ITGBL1: variants seen among roughly 807,000 people sequenced by gnomAD.
ITGBL1 encodes the protein integrin subunit beta like 1.
ITGBL1 carries 51 observed loss-of-function variants against 68.5 expected under a neutral mutation model. The observed-to-expected ratio is 0.74, with a 90% CI of 0.59 to 0.94. The LOEUF (loss-of-function observed/expected upper bound fraction) is 0.94, where lower values mean the gene tolerates loss of function less well. Ranked by LOEUF, ITGBL1 falls within the 40% of genes least tolerant of loss-of-function variation. The pLI, the probability that ITGBL1 is intolerant of heterozygous loss-of-function variation, is 0.00. For synonymous variants in ITGBL1, 209 were observed against 227.3 expected (o/e 0.92, Z 0.72); for missense variants, 649 against 647.4 (o/e 1.00, Z -0.03).
At chr13:101,588,297 T>TTGTGTGTGTGTGTG (rs10661136) in intron 6 of ITGBL1, among the ~76,000 whole-genome samples, 2,360 of 149,768 alleles carry the variant, frequency 0.016, 32 homozygotes, top group Middle Eastern at 0.024. Context: ...TATTCTTCCA[T>TTGTGTGTGTGTGTG]TGTGTGTGTG....
intron 2 of ITGBL1, among the ~76,000 whole-genome samples, chr13:101,540,603 G>C (rs1284836622): frequency 6.6e-6 from 1 of 152,158 alleles, no homozygotes; most frequent in African/African-American, 2.4e-5. Context: ...ATCATTGGTA[G>C]CTTGATGGGG....
chr13:101,560,810 A>G (rs183173378), intron 2 of ITGBL1, among the ~76,000 whole-genome samples: 7 of 152,314 alleles, frequency 4.6e-5, no homozygotes, highest in Admixed American at 4.6e-4. Context: ...ATATACATGT[A>G]AATGCAGGGC....
rs114183564 is a variant in ITGBL1, at chr13:101,578,655, C to T, written c.587-632C>T. Among the ~76,000 whole-genome samples the T allele has an allele frequency of 2.4e-3, 360 of 152,264 alleles. 1 individual carries two copies. Among genetic ancestry groups the T allele is most frequent in the African/African-American group, 8.4e-3 (347 of 41,552 alleles). On this transcript the variant is annotated intron_variant, in intron 4 of 10. Coordinates refer to ENST00000376180, the MANE Select transcript of ITGBL1 (RefSeq NM_004791.3). ...CAAAATGGTGAGTGCCCTTACCTGT[C>T]ATTTGTATCCCCTTGACAAGTAGAA...
At chr13:101,704,573 G>T (rs2034213259) in intron 8 of ITGBL1, among the ~76,000 whole-genome samples, 2 of 150,822 alleles carry the variant, frequency 1.3e-5, no homozygotes, top group South Asian at 4.2e-4. Context: ...CATGCCAATA[G>T]AGAAGAGACT....
intron 2 of ITGBL1, among the ~76,000 whole-genome samples, chr13:101,465,931 C>T (rs903656122): frequency 4.6e-5 from 7 of 152,034 alleles, no homozygotes; most frequent in Admixed American, 1.3e-4. Flanking sequence ...AACTGTAGAG[C>T]GTAGAGGATA....
intron 2 of ITGBL1, among the ~76,000 whole-genome samples, chr13:101,479,517 A>G (rs945249147): frequency 1.3e-5 from 2 of 152,164 alleles, no homozygotes; most frequent in Non-Finnish European, 2.9e-5. Flanking sequence ...CAAAGTGAAG[A>G]GACAACCCAC....
intron 2 of ITGBL1, among the ~76,000 whole-genome samples, chr13:101,507,118 C>A (rs1594853551): frequency 6.6e-6 from 1 of 152,162 alleles, no homozygotes; most frequent in Non-Finnish European, 1.5e-5. Context: ...AGTCTTCCCA[C>A]ATAATATGTA....
At chr13:101,516,585 C>T (rs1379283802) in intron 2 of ITGBL1, among the ~76,000 whole-genome samples, 1 of 152,056 alleles carries the variant, frequency 6.6e-6, no homozygotes, top group African/African-American at 2.4e-5. Context: ...AAAAATGCAA[C>T]AACCAATTTT....
At chr13:101,664,207 GA>G (rs2033157100) in intron 7 of ITGBL1, among the ~76,000 whole-genome samples, 1 of 152,110 alleles carries the variant, frequency 6.6e-6, no homozygotes, top group African/African-American at 2.4e-5. Context: ...CTGGATTCCA[GA>G]AAAAATTATT....
At chr13:101,478,919 C>T (rs2048575541) in intron 2 of ITGBL1, among the ~76,000 whole-genome samples, 1 of 152,006 alleles carries the variant, frequency 6.6e-6, no homozygotes, top group African/African-American at 2.4e-5. Flanking sequence ...TAATCTCTAT[C>T]AAAATACCAA....
At chr13:101,500,207 A>T (rs2048918241) in intron 2 of ITGBL1, among the ~76,000 whole-genome samples, 1 of 152,224 alleles carries the variant, frequency 6.6e-6, no homozygotes, top group East Asian at 1.9e-4. Context: ...AGAAAAAAAA[A>T]GTCCAATAAA....
intron 7 of ITGBL1, among the ~76,000 whole-genome samples, chr13:101,617,375 T>G (rs2031407849): frequency 6.6e-6 from 1 of 151,980 alleles, no homozygotes; most frequent in Admixed American, 6.6e-5. Flanking sequence ...GAGAAAAGAA[T>G]TCCTCTCCTG....
intron 8 of ITGBL1, among the ~76,000 whole-genome samples, chr13:101,704,484 TAAAAAAA>T (rs57687698): frequency 9.5e-6 from 1 of 105,370 alleles, no homozygotes; most frequent in African/African-American, 3.7e-5. Flanking sequence ...ATTCATTCAG[TAAAAAAA>T]AAAAAAAAAA....
rs542361942 is a variant in ITGBL1 at position 101,692,624 on chromosome 13, G to T, written c.1055G>T (p.Gly352Val). The T allele has an allele frequency of 6.2e-7, 1 of 1,613,838 alleles. No homozygotes were observed. The highest frequency in any genetic ancestry group is 1.3e-5 in the African/African-American group (1 of 75,026). ...GGCAAATGCACCTGCTATCCTCCAG[G>T]AGATCGCCGGGTGTATGGCAAGACT... ...ECGKCTCYPP[G>V]DRRVYGKTCE... The change falls in exon 8 of 11, where the codon GGA (glycine) becomes GTA (valine). Residue 352 changes from glycine (G) to valine (V), a missense_variant. Physicochemically the swap from Gly to Val is moderately radical, Grantham distance 109. Transcript: ENST00000376180.
At chr13:101,718,619 A>G (rs985524456), downstream of ITGBL1, 5 of 152,052 alleles carry the variant, frequency 3.3e-5, no homozygotes, top group Admixed American at 2.6e-4. Flanking sequence ...AGTCAACTAA[A>G]GTGCTAAGTC....
At chr13:101,706,451 A>G (rs2034265595) in intron 8 of ITGBL1, among the ~76,000 whole-genome samples, 1 of 152,244 alleles carries the variant, frequency 6.6e-6, no homozygotes, top group African/African-American at 2.4e-5. Context: ...CTAAGACTCC[A>G]TACTGATAAA....
At chr13:101,502,385 A>G (rs2048958067) in intron 2 of ITGBL1, among the ~76,000 whole-genome samples, 1 of 152,118 alleles carries the variant, frequency 6.6e-6, no homozygotes, top group African/African-American at 2.4e-5. Context: ...CTCTTTCTTC[A>G]AAAGAGATCA....
At position 101,667,313 on chromosome 13, in the gene ITGBL1, C is replaced by A. The variant is rs188581674; in HGVS notation, c.1016-25272C>A. Among the ~76,000 whole-genome samples, 749 of 152,154 alleles carry A rather than the reference C, an allele frequency of 4.9e-3. 4 individuals are homozygous for A. Among genetic ancestry groups the A allele is most frequent in the South Asian group, 8.1e-3 (39 of 4,824 alleles). On this transcript the variant is annotated intron_variant, in intron 7 of 10. Coordinates refer to ENST00000376180, the MANE Select transcript of ITGBL1 (RefSeq NM_004791.3). ...TCCTATTTTTCTATTTTATCTCTGC[C>A]TATTTGAATATACTGACGTTTTTGC...
chr13:101,572,509 G>A (rs1005763479), intron 3 of ITGBL1, among the ~76,000 whole-genome samples: 1 of 152,060 alleles, frequency 6.6e-6, no homozygotes, highest in African/African-American at 2.4e-5. Context: ...AAAAATGAGA[G>A]CTAAAAATCA....
Sources: gnomAD v4.1 joint callset for allele counts (sites outside exome capture counted in the v4.1 genomes callset) on GRCh38, gnomAD v4.1.1 for gene constraint, MANE v1.5 for transcripts, NCBI Gene and HGNC (gene_info 2026-07-23, HGNC 2026-07-21) for gene names.